The following CARMIL1 variants were observed in gnomAD, a reference collection of about 807,000 sequenced individuals.
The protein encoded by CARMIL1 is capping protein regulator and myosin 1 linker 1, also known as F-actin-uncapping protein LRRC16A.
CARMIL1 carries 90 observed loss-of-function variants against 177.1 expected under a neutral mutation model. That is an observed-to-expected ratio of 0.51 (90% CI 0.43 to 0.61). The LOEUF (loss-of-function observed/expected upper bound fraction) is 0.61, where lower values mean the gene tolerates loss of function less well. CARMIL1 is among the 20% of genes least tolerant of loss of function. The pLI, the probability that CARMIL1 is intolerant of heterozygous loss-of-function variation, is 0.00. For missense variants in CARMIL1, 1,380 were observed against 1,667.0 expected (o/e 0.83, Z 3.00); for synonymous variants, 577 against 606.2 (o/e 0.95, Z 0.71).
In CARMIL1 at chr6:25,520,244, G is replaced by T; in HGVS notation, c.1875G>T (p.Lys625Asn). 1 of 1,457,378 alleles carries T rather than the reference G, an allele frequency of 6.9e-7. No homozygotes were observed. The highest frequency in any genetic ancestry group is 1.3e-5 in the South Asian group (1 of 77,960). The allele number at this position is 1,457,378 out of a possible 1,614,324, so 90.3% of individuals were successfully genotyped here. A position where few individuals can be genotyped will look rare whatever the true frequency, so the allele number is the denominator to read the frequency against. Residue 625 changes from lysine (K) to asparagine (N), a missense_variant and splice_region_variant, in exon 23 of 37, where the codon AAG (lysine) becomes AAT (asparagine). Transcript: ENST00000329474. ...GTATATTATTTTCTCCTTTTTCTAG[G>T]AACTACACATTAAGATTTATGCCAA... The part of the protein sequence containing the change: ...GFQDIAVAME[K>N]NYTLRFMPIP...
intron 2 of CARMIL1, among the ~76,000 whole-genome samples, chr6:25,385,691 G>T (rs1792082675): frequency 6.6e-6 from 1 of 152,126 alleles, no homozygotes; most frequent in Admixed American, 6.6e-5. Context: ...TATTGATTTG[G>T]TGGTATTTTT....
intron 29 of CARMIL1, 120 bp from the exon 30 acceptor site, chr6:25,580,804 C>T: frequency 1.4e-6 from 1 of 727,690 alleles, no homozygotes; most frequent in South Asian, 1.8e-5. Flanking sequence ...TTTCAATCAT[C>T]TTCTAAAGCA....
At chr6:25,584,979 C>T (rs1251436942) in intron 31 of CARMIL1, among the ~76,000 whole-genome samples, 1 of 152,192 alleles carries the variant, frequency 6.6e-6, no homozygotes, top group Admixed American at 6.5e-5. Flanking sequence ...GTTGTTTTCC[C>T]TTAGGGACTG....
At chr6:25,603,640 A>C (rs1431502166) in intron 33 of CARMIL1, among the ~76,000 whole-genome samples, 1 of 152,208 alleles carries the variant, frequency 6.6e-6, no homozygotes, top group Non-Finnish European at 1.5e-5. Flanking sequence ...AGCAGTCTGA[A>C]GGTCAGACTG....
At position 25,306,879 on chromosome 6, in the gene CARMIL1, C is replaced by CTTTTT. The variant is rs35585232; in HGVS notation, c.138+21985_138+21989dup. 5.4e-4 allele frequency among the ~76,000 whole-genome samples: 57 copies of CTTTTT among 105,942 alleles called. 2 individuals carry two copies. Among genetic ancestry groups the CTTTTT allele is most frequent in the Non-Finnish European group, 8.5e-4 (45 of 52,712 alleles). 69.5% of individuals were successfully genotyped at this position (105,942 alleles called of 152,430 possible). On this transcript the variant is annotated intron_variant, in intron 2 of 36. Coordinates refer to ENST00000329474, the MANE Select transcript of CARMIL1 (RefSeq NM_017640.6). ...CCACCTGTTTCCTGCAGTGCCTTGGCTTTTTTTTTTTTTTTTTTTGACGAG... is the reference window on the plus strand; with the variant it reads ...CCACCTGTTTCCTGCAGTGCCTTGGCTTTTTTTTTTTTTTTTTTTTTTTTGACGAG...
intron 8 of CARMIL1, among the ~76,000 whole-genome samples, chr6:25,453,234 C>A (rs1419937393): frequency 6.7e-6 from 1 of 150,086 alleles, no homozygotes; most frequent in East Asian, 2.0e-4. Flanking sequence ...TTGAAAGATA[C>A]AATTTTACTA....
chr6:25,465,611 G>T, intron 8 of CARMIL1: 1 of 429,098 alleles, frequency 2.3e-6, no homozygotes, highest in Non-Finnish European at 4.2e-6. Context: ...CTCAGAGCAA[G>T]GAGGTTTTTC....
chr6:25,332,763 A>G (rs1309182924), intron 2 of CARMIL1, among the ~76,000 whole-genome samples: 1 of 119,456 alleles, frequency 8.4e-6, no homozygotes, highest in Non-Finnish European at 1.9e-5. Context: ...ACACACACAC[A>G]CACACACACG....
At chr6:25,285,173 C>T (rs1210744929) in intron 2 of CARMIL1, among the ~76,000 whole-genome samples, 2 of 152,064 alleles carry the variant, frequency 1.3e-5, no homozygotes, top group Admixed American at 1.3e-4. Flanking sequence ...TCTCTTAGAG[C>T]CTGTTTTCAT....
At chr6:25,464,028 T>C (rs1392358731) in intron 8 of CARMIL1, among the ~76,000 whole-genome samples, 1 of 152,132 alleles carries the variant, frequency 6.6e-6, no homozygotes. Context: ...TTCACCGTTT[T>C]AGCCAGGATG....
intron 36 of CARMIL1, among the ~76,000 whole-genome samples, chr6:25,612,569 T>C (rs1302650557): frequency 3.3e-5 from 5 of 152,178 alleles, no homozygotes; most frequent in Non-Finnish European, 7.3e-5. Context: ...GCTGTTGAAT[T>C]CTGTAGATAA....
intron 2 of CARMIL1, among the ~76,000 whole-genome samples, chr6:25,387,096 AGAGT>A: frequency 7.2e-6 from 1 of 138,266 alleles, no homozygotes; most frequent in Non-Finnish European, 1.5e-5. Context: ...CCTGGGTGAC[AGAGT>A]GAGACTCTGT....
intron 2 of CARMIL1, among the ~76,000 whole-genome samples, chr6:25,419,395 G>A (rs977283045): frequency 3.3e-5 from 5 of 152,288 alleles, no homozygotes; most frequent in African/African-American, 1.2e-4. Flanking sequence ...GGAAAGTTTT[G>A]TAGTAAGCTT....
At chr6:25,473,015 C>T (rs904057639) in intron 11 of CARMIL1, among the ~76,000 whole-genome samples, 3 of 152,090 alleles carry the variant, frequency 2.0e-5, no homozygotes, top group African/African-American at 7.2e-5. Context: ...GCTCGATGTC[C>T]CCAGTTTCTT....
rs1456172651 is a variant in CARMIL1 at position 25,588,477 on chromosome 6, T to G, written c.3007-5938T>G. 1.3e-5 allele frequency among the ~76,000 whole-genome samples: 2 copies of G among 152,144 alleles called. 1 individual carries two copies. The highest frequency in any genetic ancestry group is 4.8e-5 in the African/African-American group (2 of 41,408). ...GACATAAAGCATGAAGGTTCATACCTCTGAGGTTTTAAGGGCCAGGTCCGA... is the reference window on the plus strand; with the variant it reads ...GACATAAAGCATGAAGGTTCATACCGCTGAGGTTTTAAGGGCCAGGTCCGA... On this transcript the variant is annotated intron_variant, in intron 31 of 36. Transcript: ENST00000329474.
rs150573000 is a variant in CARMIL1 at position 25,590,486 on chromosome 6, T to A, written c.3007-3929T>A. ...TCTAGTTTGGCTTTCAAAGTTATAC[T>A]ATCTCCATAAAATTGATTGGGAAGC... On this transcript the variant is annotated intron_variant, in intron 31 of 36. Coordinates refer to ENST00000329474, the MANE Select transcript of CARMIL1 (RefSeq NM_017640.6). Among the ~76,000 whole-genome samples, 505 of 152,306 alleles carry A rather than the reference T, an allele frequency of 3.3e-3. 1 individual carries two copies. Among genetic ancestry groups the A allele is most frequent in the African/African-American group, 0.011 (474 of 41,578 alleles).
intron 2 of CARMIL1, among the ~76,000 whole-genome samples, chr6:25,345,022 T>G (rs1291634467): frequency 6.6e-6 from 1 of 152,186 alleles, no homozygotes; most frequent in Non-Finnish European, 1.5e-5. Flanking sequence ...GTCATCTGTA[T>G]GCATTAGGTC....
chr6:25,428,527 T>C (rs1259701960), intron 4 of CARMIL1, among the ~76,000 whole-genome samples: 3 of 152,200 alleles, frequency 2.0e-5, no homozygotes, highest in African/African-American at 7.2e-5. Context: ...TGCAATTCCG[T>C]ATGAATTTTA....
In CARMIL1 at chr6:25,326,528, A is replaced by G. The variant is rs73396160; in HGVS notation, c.138+41619A>G. Among the ~76,000 whole-genome samples, 7,738 of 152,250 alleles carry G rather than the reference A, an allele frequency of 0.051. 318 individuals carry two copies. Among genetic ancestry groups the G allele is most frequent in the African/African-American group, 0.11 (4,539 of 41,528 alleles). On this transcript the variant is annotated intron_variant, in intron 2 of 36. Transcript: ENST00000329474. The surrounding 1 kb of genome is among the most constrained non-coding windows in gnomAD (Gnocchi z 4.2). ...GCTTGGTCTAGGGCAGTGCTTCTCA[A>G]TGTGTGGTCTCAGGATCAGCCCTAT...
Sources: gnomAD v4.1 joint callset for allele counts (sites outside exome capture counted in the v4.1 genomes callset) on GRCh38, gnomAD v4.1.1 for gene constraint, Gnocchi (gnomAD v3.1) non-coding constraint, MANE v1.5 for transcripts, NCBI Gene and HGNC (gene_info 2026-07-23, HGNC 2026-07-21) for gene names.